The following UGGT2 variants were observed in gnomAD, a reference collection of about 807,000 sequenced individuals.
UGGT2 encodes UDP-glucose:glycoprotein glucosyltransferase 2.
In UGGT2, 180 loss-of-function variants were observed where a neutral mutation model predicts 192.1. The ratio of observed to expected loss-of-function variants is 0.94; its 90% CI spans 0.83 to 1.06. The LOEUF (loss-of-function observed/expected upper bound fraction) is 1.06. Ranked by LOEUF, UGGT2 falls within the 50% of genes least tolerant of loss-of-function variation. The probability of loss-of-function intolerance (pLI) is 0.00; values close to 1 mark genes in which losing one functional copy is unlikely to be tolerated. For missense variants in UGGT2, 1,849 were observed against 1,795.7 expected, an observed-to-expected ratio of 1.03 and a Z score of -0.54; for synonymous variants, 580 against 591.0, an observed-to-expected ratio of 0.98 and a Z score of 0.27.
chr13:95,863,722 G>A lies in UGGT2; in HGVS notation c.3559-8C>T. ...GTCTGTTTCTTTTTTCACCTAGATA[G>A]CATGGCAAAAAAGATTAGAATTTGG... is the stretch of plus-strand genomic sequence containing the variant. On this transcript the variant is annotated splice_polypyrimidine_tract_variant and splice_region_variant and intron_variant, in intron 30 of 38. Coordinates refer to ENST00000376747, the MANE Select transcript of UGGT2 (RefSeq NM_020121.4). The A allele has an allele frequency of 1.2e-6, 2 of 1,605,674 alleles. No individual in the cohort carries two copies. Among genetic ancestry groups the A allele is most frequent in the Non-Finnish European group, 1.7e-6 (2 of 1,173,156 alleles).
chr13:95,984,524 C>A (rs2051229617), intron 9 of UGGT2, among the ~76,000 whole-genome samples: 1 of 151,962 alleles, frequency 6.6e-6, no homozygotes, highest in Non-Finnish European at 1.5e-5. Context: ...GAGATGGAGT[C>A]TTCCTATGTT....
intron 38 of UGGT2, among the ~76,000 whole-genome samples, chr13:95,821,753 G>C (rs1053286680): frequency 1.3e-5 from 2 of 152,114 alleles, no homozygotes; most frequent in African/African-American, 4.8e-5. Context: ...GTGAGAAATG[G>C]GGATGTGGTT....
At chr13:95,857,999 G>GTTTTTTTTTT (rs71113957) in intron 33 of UGGT2, among the ~76,000 whole-genome samples, 1 of 139,740 alleles carries the variant, frequency 7.2e-6, no homozygotes, top group Non-Finnish European at 1.6e-5. Flanking sequence ...TTCTTTTTCT[G>GTTTTTTTTTT]TTTTTTTTTT....
At chr13:96,021,156 C>T (rs1407252407) in intron 4 of UGGT2, among the ~76,000 whole-genome samples, 1 of 152,204 alleles carries the variant, frequency 6.6e-6, no homozygotes, top group East Asian at 1.9e-4. Context: ...CTCAAGGTTG[C>T]TCACTGCAAA....
chr13:95,845,638 CA>C (rs1348981930), intron 36 of UGGT2, among the ~76,000 whole-genome samples: 16 of 152,046 alleles, frequency 1.1e-4, no homozygotes, highest in Admixed American at 1.0e-3. Context: ...TTCTATTCGA[CA>C]AAACCGCCAT....
In UGGT2 at chr13:95,863,667, T is replaced by C; in HGVS notation, c.3606A>G (p.Glu1202=). The change falls in exon 31 of 39, where the codon GAA becomes GAG. Residue 1202 remains glutamate, a synonymous_variant. Transcript: ENST00000376747. ...CCCACAGTCCTTTTGTTTTTTCATC[T>C]TCATCGGTAAGGATATCTTCCTTAA... The part of the protein sequence containing the change: ...DKIKEDILTD[E]DEKTKGLWDS... 6.2e-7 allele frequency: 1 copy of C among 1,612,790 alleles called. No individual in the cohort carries two copies. Among genetic ancestry groups the C allele is most frequent in the Admixed American group, 1.7e-5 (1 of 59,972 alleles).
intron 1 of UGGT2, among the ~76,000 whole-genome samples, chr13:96,043,752 C>T (rs993151028): frequency 1.1e-4 from 17 of 151,890 alleles, no homozygotes; most frequent in African/African-American, 3.9e-4. Flanking sequence ...AAAGCAACAA[C>T]AGTTAAAAAA....
At chr13:95,812,856 A>G (rs1023868533) in intron 38 of UGGT2, among the ~76,000 whole-genome samples, 1 of 152,084 alleles carries the variant, frequency 6.6e-6, no homozygotes, top group Non-Finnish European at 1.5e-5. Flanking sequence ...TCCCCCATTT[A>G]TGAGGTAGTG....
chr13:95,880,997 AC>A (rs2047476096), intron 27 of UGGT2, among the ~76,000 whole-genome samples: 1 of 152,068 alleles, frequency 6.6e-6, no homozygotes, highest in Non-Finnish European at 1.5e-5. Flanking sequence ...AGACGGTGAA[AC>A]CCCGTCTCTA....
At chr13:96,049,816 A>C (rs980168382) in intron 1 of UGGT2, among the ~76,000 whole-genome samples, 2 of 152,184 alleles carry the variant, frequency 1.3e-5, no homozygotes, top group Non-Finnish European at 2.9e-5. Flanking sequence ...ACCACTGCTC[A>C]AAAAAATAAA....
At chr13:96,009,898 A>C (rs567762707) in intron 5 of UGGT2, among the ~76,000 whole-genome samples, 2 of 152,202 alleles carry the variant, frequency 1.3e-5, no homozygotes, top group Non-Finnish European at 2.9e-5. Flanking sequence ...AAATATGCTC[A>C]ATATTACTAA....
intron 8 of UGGT2, 54 bp from the exon 9 acceptor site, chr13:95,986,486 C>T (rs2051293101): frequency 1.6e-6 from 2 of 1,273,704 alleles, no homozygotes; most frequent in Non-Finnish European, 2.2e-6. Context: ...CCTTTATAGA[C>T]ATTTCCATGA....
intron 38 of UGGT2, among the ~76,000 whole-genome samples, chr13:95,825,104 G>A (rs1358320877): frequency 1.3e-5 from 2 of 152,122 alleles, no homozygotes; most frequent in East Asian, 3.9e-4. Context: ...CATGTACTCA[G>A]TGTGTTGGCA....
intron 26 of UGGT2, among the ~76,000 whole-genome samples, chr13:95,885,835 T>C (rs973622010): frequency 6.6e-6 from 1 of 152,034 alleles, no homozygotes; most frequent in African/African-American, 2.4e-5. Flanking sequence ...ACAATTTCAG[T>C]GGCAAAGAGA....
At position 95,927,076 on chromosome 13, in the gene UGGT2, C is replaced by T. The variant is rs993225084; in HGVS notation, c.2152G>A (p.Asp718Asn). The T allele has an allele frequency of 5.0e-6, 8 of 1,611,498 alleles. No homozygotes were observed. Among genetic ancestry groups the T allele is most frequent in the Non-Finnish European group, 6.8e-6 (8 of 1,179,324 alleles). ...TTCTTTGCAATTACAGCACTCTTATCTTGTGAATCCAAGAAAAAGAAAGTA... is the reference window on the plus strand; with the variant it reads ...TTCTTTGCAATTACAGCACTCTTATTTTGTGAATCCAAGAAAAAGAAAGTA... ...FSTFFFLDSQ[D>N]KSAVIAKNMY... The change falls in exon 19 of 39, where the codon GAT (aspartate) becomes AAT (asparagine). Residue 718 changes from aspartate (D) to asparagine (N), a missense_variant. Coordinates refer to ENST00000376747, the MANE Select transcript of UGGT2 (RefSeq NM_020121.4).
chr13:96,007,990 T>C (rs2052033804), intron 5 of UGGT2, among the ~76,000 whole-genome samples: 1 of 152,160 alleles, frequency 6.6e-6, no homozygotes, highest in Non-Finnish European at 1.5e-5. Context: ...TGCAGAAGAA[T>C]GAAACTAACT....
At chr13:95,956,510 G>C (rs911706462) in intron 12 of UGGT2, among the ~76,000 whole-genome samples, 53 of 152,174 alleles carry the variant, frequency 3.5e-4, no homozygotes, top group African/African-American at 1.1e-3. Context: ...GACTTGAATA[G>C]ATATTCCTCT....
At chr13:95,931,230 A>G (rs1363822901) in intron 17 of UGGT2, among the ~76,000 whole-genome samples, 17 of 151,998 alleles carry the variant, frequency 1.1e-4, no homozygotes, top group Admixed American at 1.1e-3. Flanking sequence ...TGCATTTACA[A>G]ACCTCCAGCT....
intron 2 of UGGT2, among the ~76,000 whole-genome samples, chr13:96,024,626 T>G (rs2052610649): frequency 6.6e-6 from 1 of 152,202 alleles, no homozygotes; most frequent in Admixed American, 6.5e-5. Flanking sequence ...TGGAGTCCAT[T>G]TGGTATAGGC....
Sources: allele counts gnomAD v4.1 joint callset (sites outside exome capture counted in the v4.1 genomes callset), GRCh38; gene constraint gnomAD v4.1.1; transcripts MANE v1.5; gene names NCBI Gene and HGNC (gene_info 2026-07-23, HGNC 2026-07-21).